Variants in LIN7A observed in about 807,000 individuals in gnomAD.
The protein encoded by LIN7A is lin-7 cell polarity scaffold A.
LIN7A carries 25 observed loss-of-function variants against 29.8 expected under a neutral mutation model. That is an observed-to-expected ratio of 0.84 (90% CI 0.61 to 1.17). The LOEUF is 1.17. Ranked by LOEUF, LIN7A falls within the 50% of genes most tolerant of loss-of-function variation. The probability of loss-of-function intolerance (pLI) is 0.00; values close to 1 mark genes in which losing one functional copy is unlikely to be tolerated. For synonymous variants in LIN7A, 118 were observed against 107.5 expected, an observed-to-expected ratio of 1.10 and a Z score of -0.60; for missense variants, 239 against 287.0, an observed-to-expected ratio of 0.83 and a Z score of 1.21.
chr12:80,852,204 G>A (rs563586889), intron 2 of LIN7A, among the ~76,000 whole-genome samples: 115 of 151,836 alleles, frequency 7.6e-4, no homozygotes, highest in Middle Eastern at 6.8e-3. Context: ...TACTTTTTCC[G>A]GATGGAAATT....
chr12:80,895,595 GA>G (rs1411617454), intron 1 of LIN7A, among the ~76,000 whole-genome samples: 2 of 152,158 alleles, frequency 1.3e-5, no homozygotes, highest in Admixed American at 6.5e-5. Flanking sequence ...TACAGAAACT[GA>G]AAAGAGAATG....
At chr12:80,934,855 C>A (rs965985035) in intron 1 of LIN7A, among the ~76,000 whole-genome samples, 2 of 152,152 alleles carry the variant, frequency 1.3e-5, no homozygotes, top group Non-Finnish European at 2.9e-5. Context: ...TTGTCAAGCA[C>A]CTTCTTCCCT....
chr12:80,923,397 G>A (rs962244762), intron 1 of LIN7A, among the ~76,000 whole-genome samples: 4 of 152,038 alleles, frequency 2.6e-5, no homozygotes, highest in Admixed American at 2.0e-4. Context: ...TGTATATCTT[G>A]CTCTGTGTCT....
At chr12:80,817,815 C>T (rs576735759) in intron 4 of LIN7A, among the ~76,000 whole-genome samples, 21 of 152,202 alleles carry the variant, frequency 1.4e-4, no homozygotes, top group Admixed American at 4.6e-4. Flanking sequence ...ACTCATTTTT[C>T]TTGATGACTG....
chr12:80,844,965 G>A (rs1027932656), intron 4 of LIN7A, among the ~76,000 whole-genome samples: 1 of 152,144 alleles, frequency 6.6e-6, no homozygotes, highest in East Asian at 1.9e-4. Context: ...GAGGCCGGGC[G>A]CGATGGTTCA....
At chr12:80,919,481 C>T (rs1038586403) in intron 1 of LIN7A, among the ~76,000 whole-genome samples, 2 of 152,124 alleles carry the variant, frequency 1.3e-5, no homozygotes, top group Non-Finnish European at 2.9e-5. Context: ...AGTATATAAC[C>T]TTTGAGAGTG....
At chr12:80,840,611 C>CAT (rs35008946) in intron 4 of LIN7A, among the ~76,000 whole-genome samples, 60,097 of 151,764 alleles carry the variant, frequency 0.4, 12,033 homozygotes, top group Non-Finnish European at 0.42. Context: ...ATAAATAAAA[C>CAT]ATATTGTGTT....
At chr12:80,930,310 G>A (rs983834479) in intron 1 of LIN7A, among the ~76,000 whole-genome samples, 1 of 151,964 alleles carries the variant, frequency 6.6e-6, no homozygotes, top group African/African-American at 2.4e-5. Flanking sequence ...TATTGGACAA[G>A]TGTTTGAATT....
At chr12:80,838,579 T>C (rs1872681278) in intron 4 of LIN7A, among the ~76,000 whole-genome samples, 1 of 152,234 alleles carries the variant, frequency 6.6e-6, no homozygotes, top group South Asian at 2.1e-4. Context: ...TGTCACATGA[T>C]GTCATGCCGA....
intron 1 of LIN7A, chr12:80,935,751 G>C (rs759545464): frequency 2.0e-6 from 1 of 501,914 alleles, no homozygotes; most frequent in South Asian, 1.4e-5. Flanking sequence ...CTCATCCACA[G>C]GGTAAACCTG....
intron 1 of LIN7A, among the ~76,000 whole-genome samples, chr12:80,917,772 C>T (rs1176587488): frequency 6.6e-6 from 1 of 152,166 alleles, no homozygotes; most frequent in Non-Finnish European, 1.5e-5. Flanking sequence ...ACTCTTCAAA[C>T]ATAACCTTTT....
intron 4 of LIN7A, 51 bp downstream of exon 4, chr12:80,845,679 A>G: frequency 6.7e-7 from 1 of 1,499,792 alleles, no homozygotes; most frequent in Non-Finnish European, 9.1e-7. Context: ...CAGGGGGCAA[A>G]AAAAAAGAAT....
intron 2 of LIN7A, among the ~76,000 whole-genome samples, chr12:80,860,795 C>A (rs568108365): frequency 3.9e-5 from 6 of 152,324 alleles, no homozygotes; most frequent in African/African-American, 1.4e-4. Flanking sequence ...ACACTCTTTT[C>A]TGCCACCTCC....
intron 1 of LIN7A, among the ~76,000 whole-genome samples, chr12:80,900,394 G>A (rs1057265738): frequency 7.2e-5 from 11 of 152,124 alleles, no homozygotes; most frequent in African/African-American, 2.7e-4. Context: ...TTTGATGTGG[G>A]CATTTAGCCC....
intron 1 of LIN7A, among the ~76,000 whole-genome samples, chr12:80,907,611 A>T (rs1345021615): frequency 6.6e-6 from 1 of 152,148 alleles, no homozygotes; most frequent in Non-Finnish European, 1.5e-5. Context: ...TCTGCCTAAA[A>T]GGATTGTTCA....
At chr12:80,835,583 G>A (rs1020102529) in intron 4 of LIN7A, among the ~76,000 whole-genome samples, 3 of 152,096 alleles carry the variant, frequency 2.0e-5, no homozygotes, top group East Asian at 3.8e-4. Flanking sequence ...AGAAAGAAAA[G>A]ACTATTATCT....
chr12:80,928,841 G>C (rs995405386), intron 1 of LIN7A, among the ~76,000 whole-genome samples: 2 of 152,006 alleles, frequency 1.3e-5, no homozygotes, highest in African/African-American at 4.8e-5. Flanking sequence ...TTACATTTAA[G>C]TCTTTAATCC....
chr12:80,853,537 G>A (rs1261278373), intron 2 of LIN7A, among the ~76,000 whole-genome samples: 1 of 151,932 alleles, frequency 6.6e-6, no homozygotes, highest in African/African-American at 2.4e-5. Context: ...AAGATATATG[G>A]GTAGCAAATA....
At chr12:80,911,124 G>C (rs1876723064) in intron 1 of LIN7A, among the ~76,000 whole-genome samples, 1 of 152,072 alleles carries the variant, frequency 6.6e-6, no homozygotes, top group Admixed American at 6.6e-5. Flanking sequence ...GAAATATTTT[G>C]GGGAAAGTTT....
Sources: allele counts gnomAD v4.1 joint callset (sites outside exome capture counted in the v4.1 genomes callset), GRCh38; gene constraint gnomAD v4.1.1; transcripts MANE v1.5; gene names NCBI Gene and HGNC (gene_info 2026-07-23, HGNC 2026-07-21).